The following DCUN1D5 variants were observed in gnomAD, a reference collection of about 807,000 sequenced individuals.
DCUN1D5 encodes defective in cullin neddylation 1 domain containing 5, also known as DCN1-like protein 5.
In DCUN1D5, 10 loss-of-function variants were observed where a neutral mutation model predicts 38.3. The observed-to-expected ratio is 0.26, with a 90% CI of 0.16 to 0.44. The LOEUF is 0.44. Among genes scored for constraint, DCUN1D5 ranks in the 20% least tolerant of loss-of-function variants. The probability of loss-of-function intolerance (pLI) is 1.00; values close to 1 mark genes in which losing one functional copy is unlikely to be tolerated. For synonymous variants in DCUN1D5, 93 were observed against 90.9 expected (o/e 1.02, Z -0.13); for missense variants, 148 against 275.3 (o/e 0.54, Z 3.27).
At chr11:103,072,732 G>A (rs545309158) in intron 4 of DCUN1D5, among the ~76,000 whole-genome samples, 51 of 137,244 alleles carry the variant, frequency 3.7e-4, no homozygotes, top group South Asian at 2.7e-3. Flanking sequence ...GACACAGGGT[G>A]GGGAACATCA....
In DCUN1D5 at chr11:103,052,989, A is replaced by C. The variant is rs1861783627; in HGVS notation, c.*9370T>G. 1 of 152,042 alleles carries C rather than the reference A, an allele frequency of 6.6e-6. No homozygotes were observed. Among genetic ancestry groups the C allele is most frequent in the African/African-American group, 2.4e-5 (1 of 41,406 alleles). The allele number at this position is 152,042 out of a possible 1,614,324, so 9.4% of individuals were successfully genotyped here. A position where few individuals can be genotyped will look rare whatever the true frequency, so the allele number is the denominator to read the frequency against. ...AGGAAGACAGGGAGCTTCCCACTTA[A>C]CCAGAGTATTTTAGCTTTCTGTTTT... On this transcript the variant is annotated 3_prime_UTR_variant, in exon 8 of 8. Coordinates refer to ENST00000260247, the MANE Select transcript of DCUN1D5 (RefSeq NM_032299.4).
intron 4 of DCUN1D5, among the ~76,000 whole-genome samples, chr11:103,076,843 C>T (rs771307733): frequency 3.9e-5 from 6 of 152,140 alleles, no homozygotes; most frequent in African/African-American, 7.2e-5. Flanking sequence ...CTACGTCATA[C>T]CATTCCTAAT....
chr11:103,056,792 T>C lies in DCUN1D5; in HGVS notation c.*5567A>G, dbSNP rs1333354472. Among the ~76,000 whole-genome samples the C allele has an allele frequency of 6.6e-6, 1 of 152,194 alleles. No individual in the cohort carries two copies. The highest frequency in any genetic ancestry group is 2.4e-5 in the African/African-American group (1 of 41,440). ...GATAACACAGGAAATCCTAGCTATT[T>C]CTTTTTATAAAAGACAGTAAATTTG... On this transcript the variant is annotated 3_prime_UTR_variant, in exon 8 of 8. Transcript: ENST00000260247. The surrounding 1 kb of genome is among the most constrained non-coding windows in gnomAD (Gnocchi z 4.9).
In DCUN1D5 at chr11:103,064,804, C is replaced by T. The variant is rs894605963; in HGVS notation, c.556-427G>A. ...GAAACAAGTGAAAGAGTATAGGCTT[C>T]GATTTAAATCCCACCCTTGCCACTT... On this transcript the variant is annotated intron_variant, in intron 6 of 7. Coordinates refer to ENST00000260247, the MANE Select transcript of DCUN1D5 (RefSeq NM_032299.4). This position sits in a 1 kb window ranked among gnomAD's most constrained non-coding sequence, Gnocchi z 4.5. 6.6e-6 allele frequency among the ~76,000 whole-genome samples: 1 copy of T among 152,070 alleles called. No individual in the cohort carries two copies. Among genetic ancestry groups the T allele is most frequent in the Admixed American group, 6.5e-5 (1 of 15,272 alleles).
rs754511432 is a variant in DCUN1D5 at position 103,058,418 on chromosome 11, C to A, written c.*3941G>T. Among the ~76,000 whole-genome samples the A allele has an allele frequency of 2.0e-5, 3 of 152,128 alleles. No individual in the cohort carries two copies. Among genetic ancestry groups the A allele is most frequent in the Non-Finnish European group, 4.4e-5 (3 of 68,014 alleles). ...ATAAATAAATTGTGCTTTAAAAGAT[C>A]TAAAGATTTGTTCCAGTGAAGTACA... On this transcript the variant is annotated 3_prime_UTR_variant, in exon 8 of 8. Transcript: ENST00000260247.
At chr11:103,076,919 G>A (rs927030480) in intron 4 of DCUN1D5, among the ~76,000 whole-genome samples, 5 of 152,084 alleles carry the variant, frequency 3.3e-5, no homozygotes, top group African/African-American at 1.2e-4. Context: ...AAAAGAATAG[G>A]CCAGCACGGT....
rs112002340 is a variant in DCUN1D5, at chr11:103,064,627, C to T, written c.556-250G>A. On this transcript the variant is annotated intron_variant, in intron 6 of 7. Transcript: ENST00000260247. The surrounding 1 kb of genome is among the most constrained non-coding windows in gnomAD (Gnocchi z 4.5). ...GTACTAACAGTAAGGATAAAACTAA[C>T]TTTTTCATATGTATATACTTGTGTT... Among the ~76,000 whole-genome samples, 194 of 151,858 alleles carry T rather than the reference C, an allele frequency of 1.3e-3. No homozygotes were observed. Among genetic ancestry groups the T allele is most frequent in the African/African-American group, 4.3e-3 (178 of 41,378 alleles).
rs1412122971 is a variant in DCUN1D5, at chr11:103,082,214, G to A, written c.341+534C>T. On this transcript the variant is annotated intron_variant, in intron 4 of 7. Transcript: ENST00000260247. ...GACAGGATCCTAAACTGAAAGTGTA[G>A]GACTATAAAATGGGTAAAGATTGCA... is the stretch of plus-strand genomic sequence containing the variant. Among the ~76,000 whole-genome samples the A allele has an allele frequency of 3.9e-5, 6 of 152,158 alleles. No homozygotes were observed. The South Asian group carries it at 1.2e-3, about 32-fold the overall frequency.
rs759118899 is a variant in DCUN1D5, at chr11:103,052,411, A to G, written c.*9948T>C. On this transcript the variant is annotated 3_prime_UTR_variant, in exon 8 of 8. Coordinates refer to ENST00000260247, the MANE Select transcript of DCUN1D5 (RefSeq NM_032299.4). Reference sequence around the variant, plus strand: ...AAGAGAGACGTGAATTTTTTCATTCATTAAATACCTATTATGTGGTGGAAA... The same window carrying G: ...AAGAGAGACGTGAATTTTTTCATTCGTTAAATACCTATTATGTGGTGGAAA... 2.6e-5 allele frequency: 4 copies of G among 152,302 alleles called. No individual in the cohort carries two copies. The highest frequency in any genetic ancestry group is 4.1e-4 in the South Asian group (2 of 4,826). The allele number at this position is 152,302 out of a possible 1,614,324, so 9.4% of individuals were successfully genotyped here.
Position 103,083,131 on chromosome 11 carries a change from A to G in DCUN1D5, c.249+125T>C. 1 of 624,688 alleles carries G rather than the reference A, an allele frequency of 1.6e-6. No homozygotes were observed. Among genetic ancestry groups the G allele is most frequent in the East Asian group, 2.8e-5 (1 of 36,256 alleles). The allele number at this position is 624,688 out of a possible 1,614,324, so 38.7% of individuals were successfully genotyped here. A position where few individuals can be genotyped will look rare whatever the true frequency, so the allele number is the denominator to read the frequency against. On this transcript the variant is annotated intron_variant, in intron 3 of 7. Transcript: ENST00000260247. This position sits in a 1 kb window ranked among gnomAD's most constrained non-coding sequence, Gnocchi z 4.4. ...AACTGATTAAAAATACCTTAAATGC[A>G]AATTTACAATATTAAACATGAAGAA...
Position 103,086,897 on chromosome 11 carries a change from T to TA in DCUN1D5, c.178+2329dup, listed in dbSNP as rs1210803666. On this transcript the variant is annotated intron_variant, in intron 2 of 7. Transcript: ENST00000260247. The surrounding 1 kb of genome is among the most constrained non-coding windows in gnomAD (Gnocchi z 4.1). ...ATATATAAACATTATAAAATTTAAA[T>TA]AAAAAATACATAAAAGCATAGTAGT... 6.6e-6 allele frequency among the ~76,000 whole-genome samples: 1 copy of TA among 151,506 alleles called. No homozygotes were observed. Among genetic ancestry groups the TA allele is most frequent in the Non-Finnish European group, 1.5e-5 (1 of 67,872 alleles).
At position 103,052,628 on chromosome 11, in the gene DCUN1D5, A is replaced by C. The variant is rs930767821; in HGVS notation, c.*9731T>G. 1.3e-5 allele frequency: 2 copies of C among 152,168 alleles called. No individual in the cohort carries two copies. The highest frequency in any genetic ancestry group is 2.4e-5 in the African/African-American group (1 of 41,454). 9.4% of individuals were successfully genotyped at this position (152,168 alleles called of 1,614,324 possible). A position where few individuals can be genotyped will look rare whatever the true frequency, so the allele number is the denominator to read the frequency against. ...ATTCCTTCATTCTTGTATCTACTCC[A>C]AGTCTCTCTTGGTAGTTCTTACATA... is the stretch of plus-strand genomic sequence containing the variant. On this transcript the variant is annotated 3_prime_UTR_variant, in exon 8 of 8. Transcript: ENST00000260247.
At chr11:103,074,405 G>A (rs1862356254) in intron 4 of DCUN1D5, among the ~76,000 whole-genome samples, 1 of 152,068 alleles carries the variant, frequency 6.6e-6, no homozygotes, top group South Asian at 2.1e-4. Flanking sequence ...CATCTGCTGA[G>A]TGTTTGTTTG....
chr11:103,083,205 G>T lies in DCUN1D5; in HGVS notation c.249+51C>A. The T allele has an allele frequency of 1.2e-6, 1 of 848,492 alleles. No individual in the cohort carries two copies. Among genetic ancestry groups the T allele is most frequent in the South Asian group, 1.5e-5 (1 of 66,436 alleles). 52.6% of individuals were successfully genotyped at this position (848,492 alleles called of 1,614,324 possible). A position where few individuals can be genotyped will look rare whatever the true frequency, so the allele number is the denominator to read the frequency against. On this transcript the variant is annotated intron_variant, in intron 3 of 7. Transcript: ENST00000260247. This position sits in a 1 kb window ranked among gnomAD's most constrained non-coding sequence, Gnocchi z 4.4. The stretch of plus-strand genomic sequence containing the variant: ...AGTGTCTCGATTTTTAGTAATTTAC[G>T]AATATGCTATACCCCACTTATATGC...
chr11:103,083,272 C>G lies in DCUN1D5; in HGVS notation c.233G>C (p.Gly78Ala). ...EGMEKFCEDIGVEPENIIMLV... is the reference protein window; with the variant it reads ...EGMEKFCEDIAVEPENIIMLV... ...AAAACATACATTTTCAGGTTCAACACCAATGTCTTCACAAAATTTTTCCAT... is the reference window on the plus strand; with the variant it reads ...AAAACATACATTTTCAGGTTCAACAGCAATGTCTTCACAAAATTTTTCCAT... Residue 78 changes from glycine (G) to alanine (A), a missense_variant, in exon 3 of 8, where the codon GGT becomes GCT. Gly to Ala is a moderately conservative substitution (Grantham distance 60, BLOSUM62 0). Transcript: ENST00000260247. The surrounding 1 kb of genome is among the most constrained non-coding windows in gnomAD (Gnocchi z 4.4). The G allele has an allele frequency of 6.3e-7, 1 of 1,594,324 alleles. No individual in the cohort carries two copies. Among genetic ancestry groups the G allele is most frequent in the Non-Finnish European group, 8.6e-7 (1 of 1,162,610 alleles).
chr11:103,062,133 A>C lies in DCUN1D5; in HGVS notation c.*226T>G. 2.1e-6 allele frequency: 1 copy of C among 465,854 alleles called. No homozygotes were observed. Among genetic ancestry groups the C allele is most frequent in the Non-Finnish European group, 3.8e-6 (1 of 264,386 alleles). 28.9% of individuals were successfully genotyped at this position (465,854 alleles called of 1,614,324 possible). A position where few individuals can be genotyped will look rare whatever the true frequency, so the allele number is the denominator to read the frequency against. ...TTATTGTTCTGAAATAAATGTTATA[A>C]ACATAACTCAAAACAAAAACTTCAA... is the stretch of plus-strand genomic sequence containing the variant. On this transcript the variant is annotated 3_prime_UTR_variant, in exon 8 of 8. Coordinates refer to ENST00000260247, the MANE Select transcript of DCUN1D5 (RefSeq NM_032299.4). This position sits in a 1 kb window ranked among gnomAD's most constrained non-coding sequence, Gnocchi z 4.6.
In DCUN1D5 at chr11:103,087,171, T is replaced by C. The variant is rs1862732597; in HGVS notation, c.178+2056A>G. ...TGAAACCCCATTTCTTTTTTTCTTT[T>C]TCTTTTTTTTTTTTTTTGAGGCAGA... On this transcript the variant is annotated intron_variant, in intron 2 of 7. Coordinates refer to ENST00000260247, the MANE Select transcript of DCUN1D5 (RefSeq NM_032299.4). This position sits in a 1 kb window ranked among gnomAD's most constrained non-coding sequence, Gnocchi z 4.1. Among the ~76,000 whole-genome samples, 1 of 141,136 alleles carries C rather than the reference T, an allele frequency of 7.1e-6. No homozygotes were observed. The highest frequency in any genetic ancestry group is 2.8e-5 in the African/African-American group (1 of 35,130). The allele number at this position is 141,136 out of a possible 152,430, so 92.6% of individuals were successfully genotyped here.
In DCUN1D5 at chr11:103,053,927, C is replaced by T. The variant is rs1861808428; in HGVS notation, c.*8432G>A. ...ATTTCATTTCATCCTCAAAATAATG[C>T]TATTAGATAAGGACTATTATTATCC... On this transcript the variant is annotated 3_prime_UTR_variant, in exon 8 of 8. Transcript: ENST00000260247. This position sits in a 1 kb window ranked among gnomAD's most constrained non-coding sequence, Gnocchi z 4.8. 1 of 151,962 alleles carries T rather than the reference C, an allele frequency of 6.6e-6. No individual in the cohort carries two copies. The highest frequency in any genetic ancestry group is 6.6e-5 in the Admixed American group (1 of 15,240). 9.4% of individuals were successfully genotyped at this position (151,962 alleles called of 1,614,324 possible).
chr11:103,061,451 G>A lies in DCUN1D5; in HGVS notation c.*908C>T, dbSNP rs184550107. Among the ~76,000 whole-genome samples, 37 of 152,130 alleles carry A rather than the reference G, an allele frequency of 2.4e-4. No homozygotes were observed. Among genetic ancestry groups the A allele is most frequent in the African/African-American group, 8.7e-4 (36 of 41,528 alleles). ...GGCAGAAAATTGTGATAATTAGCAA[G>A]CTGCAATACTACCAACGTAAATGGC... is the stretch of plus-strand genomic sequence containing the variant. On this transcript the variant is annotated 3_prime_UTR_variant, in exon 8 of 8. Transcript: ENST00000260247.
Sources: allele counts gnomAD v4.1 joint callset (sites outside exome capture counted in the v4.1 genomes callset), GRCh38; gene constraint gnomAD v4.1.1; non-coding constraint Gnocchi (gnomAD v3.1); transcripts MANE v1.5; gene names NCBI Gene and HGNC (gene_info 2026-07-23, HGNC 2026-07-21).